Variants in FBXO42 observed in about 807,000 individuals in gnomAD.
FBXO42 encodes the protein F-box protein 42, also known as F-box only protein 42.
Under a neutral mutation model 71.7 loss-of-function variants are expected in FBXO42, and 12 were observed. That is an observed-to-expected ratio of 0.17 (90% CI 0.11 to 0.27). The LOEUF is 0.27. FBXO42 is among the 10% of genes least tolerant of loss of function. FBXO42 has a pLI of 1.00. For missense variants in FBXO42, 707 were observed against 911.9 expected (o/e 0.78, Z 2.89); for synonymous variants, 325 against 327.5 (o/e 0.99, Z 0.08).
chr1:16,331,859 T>A (rs2082504103), intron 1 of FBXO42, among the ~76,000 whole-genome samples: 1 of 151,996 alleles, frequency 6.6e-6, no homozygotes, highest in Non-Finnish European at 1.5e-5. Flanking sequence ...GAGACCAGCC[T>A]GACCAACATG....
intron 4 of FBXO42, among the ~76,000 whole-genome samples, chr1:16,275,368 G>A (rs1229670601): frequency 2.6e-5 from 4 of 152,194 alleles, no homozygotes; most frequent in South Asian, 2.1e-4. Context: ...CTGTAATCTC[G>A]GTACTTCGAG....
intron 7 of FBXO42, 144 bp from the exon 8 acceptor site, chr1:16,253,296 A>T: frequency 6.1e-6 from 4 of 660,524 alleles, no homozygotes; most frequent in Non-Finnish European, 7.8e-6. Context: ...TCCTAAAAAC[A>T]TATCAATTCT....
intron 3 of FBXO42, among the ~76,000 whole-genome samples, chr1:16,303,857 T>C (rs1312702641): frequency 6.6e-6 from 1 of 152,194 alleles, no homozygotes; most frequent in Non-Finnish European, 1.5e-5. Flanking sequence ...GCCATTCTCC[T>C]GCTTCAGCCT....
chr1:16,286,241 A>G (rs537961203), intron 4 of FBXO42, among the ~76,000 whole-genome samples: 38 of 152,236 alleles, frequency 2.5e-4, no homozygotes, highest in African/African-American at 8.2e-4. Context: ...ATCCATCTGG[A>G]TTAGTCTATT....
At chr1:16,337,274 G>A (rs1392567811) in intron 1 of FBXO42, among the ~76,000 whole-genome samples, 5 of 152,062 alleles carry the variant, frequency 3.3e-5, no homozygotes, top group African/African-American at 1.2e-4. Flanking sequence ...CTGCCAGTTT[G>A]GGGACCTTGA....
intron 4 of FBXO42, among the ~76,000 whole-genome samples, chr1:16,270,926 T>G (rs551289343): frequency 6.7e-6 from 1 of 149,530 alleles, no homozygotes; most frequent in African/African-American, 2.5e-5. Flanking sequence ...TGACATATGG[T>G]GATAAGTGCC....
At chr1:16,308,279 C>G (rs143604088) in intron 2 of FBXO42, among the ~76,000 whole-genome samples, 19 of 152,200 alleles carry the variant, frequency 1.2e-4, no homozygotes, top group African/African-American at 4.6e-4. Flanking sequence ...CTGTGTCCAG[C>G]CTTTACTGAT....
At chr1:16,308,089 A>G (rs904467056) in intron 2 of FBXO42, among the ~76,000 whole-genome samples, 1 of 152,162 alleles carries the variant, frequency 6.6e-6, no homozygotes, top group Admixed American at 6.6e-5. Flanking sequence ...AATAATAAAC[A>G]AATAAATCAA....
In FBXO42 at chr1:16,251,867, C is replaced by T; in HGVS notation, c.1039-82G>A. On this transcript the variant is annotated intron_variant, in intron 9 of 9. Transcript: ENST00000375592. The surrounding 1 kb of genome is among the most constrained non-coding windows in gnomAD (Gnocchi z 4.5). ...CTGTCAAACATTTTATCATGAGCATCTGTCATGTGCCAGACATTTTGTAGG... is the reference window on the plus strand; with the variant it reads ...CTGTCAAACATTTTATCATGAGCATTTGTCATGTGCCAGACATTTTGTAGG... 6.7e-7 allele frequency: 1 copy of T among 1,491,122 alleles called. No individual in the cohort carries two copies. Among genetic ancestry groups the T allele is most frequent in the East Asian group, 2.3e-5 (1 of 43,964 alleles). 92.4% of individuals were successfully genotyped at this position (1,491,122 alleles called of 1,614,324 possible). A position where few individuals can be genotyped will look rare whatever the true frequency, so the allele number is the denominator to read the frequency against.
intron 4 of FBXO42, among the ~76,000 whole-genome samples, chr1:16,271,427 C>A: frequency 1.3e-5 from 2 of 151,854 alleles, no homozygotes; most frequent in Admixed American, 6.6e-5. Flanking sequence ...ATTACAGGCG[C>A]CTGCCACCAC....
intron 1 of FBXO42, among the ~76,000 whole-genome samples, chr1:16,350,753 A>AGACAAGAAAGACAAGAAAGACAG (rs1553156680): frequency 3.5e-5 from 1 of 28,872 alleles, no homozygotes; most frequent in Non-Finnish European, 6.3e-5. Flanking sequence ...CAAAAAAAAA[A>AGACAAGAAAGACAAGAAAGACAG]AAAAAAAGAA....
At chr1:16,329,765 T>C (rs944965854) in intron 1 of FBXO42, among the ~76,000 whole-genome samples, 5 of 151,044 alleles carry the variant, frequency 3.3e-5, no homozygotes, top group African/African-American at 9.7e-5. Flanking sequence ...CTGGCCAACA[T>C]AGTGAAACCC....
intron 3 of FBXO42, among the ~76,000 whole-genome samples, chr1:16,298,889 A>G (rs777919829): frequency 2.0e-4 from 30 of 152,198 alleles, no homozygotes; most frequent in East Asian, 3.8e-4. Context: ...TTTCATAACT[A>G]AAAGAGTCAA....
chr1:16,313,907 G>A (rs1185877544), intron 2 of FBXO42, among the ~76,000 whole-genome samples: 1 of 152,128 alleles, frequency 6.6e-6, no homozygotes, highest in Non-Finnish European at 1.5e-5. Flanking sequence ...TAAAAATACA[G>A]CATGTCTAGC....
intron 4 of FBXO42, among the ~76,000 whole-genome samples, chr1:16,273,862 C>A (rs1357296010): frequency 1.3e-5 from 2 of 151,948 alleles, no homozygotes; most frequent in Non-Finnish European, 2.9e-5. Flanking sequence ...GCCTAGGCAA[C>A]AGAACGAGAC....
intron 1 of FBXO42, among the ~76,000 whole-genome samples, chr1:16,319,930 A>G (rs1479350919): frequency 6.6e-6 from 1 of 151,680 alleles, no homozygotes; most frequent in East Asian, 1.9e-4. Context: ...AAGAAAAAGA[A>G]AAAGAAAAAG....
chr1:16,341,224 A>T (rs2100632890), intron 1 of FBXO42, among the ~76,000 whole-genome samples: 1 of 152,348 alleles, frequency 6.6e-6, no homozygotes, highest in South Asian at 2.1e-4. Context: ...TAAAGGATAA[A>T]CCAAAACCAA....
chr1:16,329,697 C>T (rs1015744533), intron 1 of FBXO42, among the ~76,000 whole-genome samples: 1 of 151,644 alleles, frequency 6.6e-6, no homozygotes, highest in Non-Finnish European at 1.5e-5. Flanking sequence ...TGCCTGTAAA[C>T]CCAGCATTTT....
intron 4 of FBXO42, among the ~76,000 whole-genome samples, chr1:16,269,098 C>G (rs1168700420): frequency 1.1e-5 from 1 of 88,674 alleles, no homozygotes; most frequent in South Asian, 5.1e-4. Context: ...CGTGAGCCAC[C>G]GCACCTGGCT....
Sources: allele counts gnomAD v4.1 joint callset (sites outside exome capture counted in the v4.1 genomes callset), GRCh38; gene constraint gnomAD v4.1.1; non-coding constraint Gnocchi (gnomAD v3.1); transcripts MANE v1.5; gene names NCBI Gene and HGNC (gene_info 2026-07-23, HGNC 2026-07-21).